Variants in YJU2 observed in about 807,000 individuals in gnomAD.
The protein encoded by YJU2 is splicing factor YJU2.
In YJU2, 28 loss-of-function variants were observed where a neutral mutation model predicts 39.6. The ratio of observed to expected loss-of-function variants is 0.71; its 90% CI spans 0.52 to 0.97. YJU2 has a LOEUF of 0.97. Ranked by LOEUF, YJU2 falls within the 50% of genes least tolerant of loss-of-function variation. The pLI is 0.00. For synonymous variants in YJU2, 184 were observed against 182.4 expected (o/e 1.01, Z -0.07); for missense variants, 328 against 430.4 (o/e 0.76, Z 2.11).
At chr19:4,257,631 G>A (rs540418805) in intron 4 of YJU2, among the ~76,000 whole-genome samples, 3 of 152,192 alleles carry the variant, frequency 2.0e-5, no homozygotes, top group Non-Finnish European at 2.9e-5. Flanking sequence ...ATGCCACTAC[G>A]CCCAGCTACT....
chr19:4,251,645 G>A (rs374357031), intron 3 of YJU2, among the ~76,000 whole-genome samples: 6 of 145,628 alleles, frequency 4.1e-5, no homozygotes, highest in African/African-American at 1.0e-4. Flanking sequence ...AGATTGCACC[G>A]CTATACTCCA....
chr19:4,258,112 T>A, intron 4 of YJU2, 130 bp from the exon 5 acceptor site: 2 of 1,333,394 alleles, frequency 1.5e-6, no homozygotes, highest in Middle Eastern at 2.6e-4. Context: ...GGGCAGGGGG[T>A]TCCCTGAGCA....
chr19:4,252,464 C>T (rs369470534), intron 3 of YJU2, among the ~76,000 whole-genome samples: 6 of 151,896 alleles, frequency 4.0e-5, no homozygotes, highest in Admixed American at 1.3e-4. Context: ...ATTAGCCAGG[C>T]GTGGTGGCGG....
intron 5 of YJU2, among the ~76,000 whole-genome samples, chr19:4,260,447 A>G (rs550450224): frequency 2.0e-4 from 30 of 151,660 alleles, no homozygotes; most frequent in Non-Finnish European, 3.4e-4. Flanking sequence ...AAAATTAAAA[A>G]GTAGACTAGG....
At chr19:4,252,240 A>G (rs1416432341) in intron 3 of YJU2, among the ~76,000 whole-genome samples, 1 of 151,228 alleles carries the variant, frequency 6.6e-6, no homozygotes, top group East Asian at 2.0e-4. Context: ...CAAGTGGATC[A>G]GTTGAGGTCA....
At chr19:4,266,622 G>T (rs1380720440) in intron 6 of YJU2, among the ~76,000 whole-genome samples, 1 of 152,164 alleles carries the variant, frequency 6.6e-6, no homozygotes, top group Admixed American at 6.6e-5. Flanking sequence ...TGAGCTCCGT[G>T]AGGGCAGAGC....
rs1020949120 is a variant in YJU2 at position 4,253,009 on chromosome 19, C to A, written c.271-1346C>A. Among the ~76,000 whole-genome samples, 7 of 57,682 alleles carry A rather than the reference C, an allele frequency of 1.2e-4. No individual in the cohort carries two copies. The African/African-American group carries it at 1.3e-3, about 10-fold the overall frequency. 37.8% of individuals were successfully genotyped at this position (57,682 alleles called of 152,430 possible). A position where few individuals can be genotyped will look rare whatever the true frequency, so the allele number is the denominator to read the frequency against. On this transcript the variant is annotated intron_variant, in intron 3 of 7. Transcript: ENST00000262962. Reference sequence around the variant, plus strand: ...AGATAGTACAGATAATTCTCACCTACCCCCTCACCAACTTCCCCGAATATT... The same window carrying A: ...AGATAGTACAGATAATTCTCACCTAACCCCTCACCAACTTCCCCGAATATT...
chr19:4,268,670 A>G lies in YJU2; in HGVS notation c.946A>G (p.Ser316Gly), dbSNP rs377697178. 6.8e-6 allele frequency: 11 copies of G among 1,613,830 alleles called. No homozygotes were observed. The highest frequency in any genetic ancestry group is 2.7e-5 in the African/African-American group (2 of 75,072). ...GAGCCAACTGGGTGCATACCTGGAC[A>G]GTGACGACAGCAACGGCAGCAACTG... ...SLSQLGAYLDSDDSNGSN is the reference protein window; with the variant it reads ...SLSQLGAYLDGDDSNGSN The change falls in exon 8 of 8, where the codon AGT becomes GGT. Residue 316 changes from serine (S) to glycine (G), a missense_variant. Ser to Gly is a moderately conservative substitution (Grantham distance 56). Around this residue, in one of 2 missense-constraint regions of YJU2, gnomAD observed 244 missense variants for 264.6 expected, o/e 0.92. Transcript: ENST00000262962.
Position 4,268,570 on chromosome 19 carries a change from C to A in YJU2, c.860-14C>A. 6.3e-7 allele frequency: 1 copy of A among 1,585,918 alleles called. No individual in the cohort carries two copies. The highest frequency in any genetic ancestry group is 1.1e-5 in the South Asian group (1 of 89,232). On this transcript the variant is annotated splice_polypyrimidine_tract_variant and intron_variant, in intron 7 of 7. Transcript: ENST00000262962. ...TGTGGAGCTGAGATGAGCTAACTCT[C>A]GCTCTCCCACCAGGAGCCCCGCAGA...
Position 4,258,123 on chromosome 19 carries a change from G to C in YJU2, c.406-119G>C, listed in dbSNP as rs986683972. The C allele has an allele frequency of 2.3e-5, 32 of 1,410,262 alleles. No individual in the cohort carries two copies. The Admixed American group carries it at 7.4e-4, about 32-fold the overall frequency. The allele number at this position is 1,410,262 out of a possible 1,614,324, so 87.4% of individuals were successfully genotyped here. On this transcript the variant is annotated intron_variant, in intron 4 of 7. Transcript: ENST00000262962. Reference sequence around the variant, plus strand: ...GCATGGGCAGGGGGTTCCCTGAGCAGGATGGAAACGTGGGGGTAGGGGTTC... The same window carrying C: ...GCATGGGCAGGGGGTTCCCTGAGCACGATGGAAACGTGGGGGTAGGGGTTC...
chr19:4,251,254 A>G (rs1970974527), intron 3 of YJU2, 83 bp downstream of exon 3: 4 of 1,277,466 alleles, frequency 3.1e-6, no homozygotes, highest in Admixed American at 2.0e-5. Flanking sequence ...CTTAACTCCA[A>G]TCCTCTCCAT....
At chr19:4,254,534 G>GGT (rs748084575) in intron 4 of YJU2, 45 bp downstream of exon 4, 20 of 1,505,912 alleles carry the variant, frequency 1.3e-5, no homozygotes, top group Admixed American at 4.6e-5. Flanking sequence ...TGTGTGTGTG[G>GGT]GTGTGTGTGT....
intron 6 of YJU2, among the ~76,000 whole-genome samples, chr19:4,266,199 C>G (rs976374235): frequency 1.3e-5 from 2 of 152,136 alleles, no homozygotes; most frequent in Non-Finnish European, 2.9e-5. Flanking sequence ...ATCCACCTGC[C>G]TTGGCCTCCC....
At position 4,248,467 on chromosome 19, in the gene YJU2, T is replaced by C. The variant is rs1240633433; in HGVS notation, c.25-761T>C. Among the ~76,000 whole-genome samples the C allele has an allele frequency of 3.3e-5, 5 of 152,286 alleles. No homozygotes were observed. In the East Asian group the frequency reaches 9.6e-4, roughly 29 times the overall value. On this transcript the variant is annotated intron_variant, in intron 1 of 7. Coordinates refer to ENST00000262962, the MANE Select transcript of YJU2 (RefSeq NM_018074.6). ...AGGTTTCAGCTCCTCAGGATTCAGA[T>C]CCAGGGAGATGACTCTGTAGGAAAC...
chr19:4,252,705 G>A (rs1028545747), intron 3 of YJU2, among the ~76,000 whole-genome samples: 5 of 152,046 alleles, frequency 3.3e-5, no homozygotes, highest in East Asian at 3.9e-4. Flanking sequence ...GAGAAGGATC[G>A]CTTAAATCCA....
intron 6 of YJU2, among the ~76,000 whole-genome samples, chr19:4,263,780 A>G (rs372490279): frequency 6.8e-6 from 1 of 147,714 alleles, no homozygotes; most frequent in South Asian, 2.2e-4. Flanking sequence ...ATTGCCCTCC[A>G]GCCTGGGCAA....
intron 6 of YJU2, 41 bp from the exon 7 acceptor site, chr19:4,267,583 G>T (rs1436356593): frequency 6.3e-7 from 1 of 1,598,036 alleles, no homozygotes; most frequent in South Asian, 1.1e-5. Flanking sequence ...CTGGGCCCTG[G>T]ATCCGGGCCA....
chr19:4,250,189 T>C (rs1260883452), intron 2 of YJU2, among the ~76,000 whole-genome samples: 1 of 152,320 alleles, frequency 6.6e-6, no homozygotes, highest in East Asian at 1.9e-4. Context: ...CTAGCATATC[T>C]GAAATCACGC....
At chr19:4,254,600 G>A (rs889032567) in intron 4 of YJU2, 111 bp downstream of exon 4, 1 of 1,418,756 alleles carries the variant, frequency 7.0e-7, no homozygotes, top group Non-Finnish European at 9.3e-7. Context: ...AGATGGGGTG[G>A]GGGGCGTGGT....
Sources: allele counts gnomAD v4.1 joint callset (sites outside exome capture counted in the v4.1 genomes callset), GRCh38; gene constraint gnomAD v4.1.1; regional missense constraint gnomAD v4.1.1; transcripts MANE v1.5; gene names NCBI Gene and HGNC (gene_info 2026-07-23, HGNC 2026-07-21).